The following LEPR variants were observed in gnomAD, a reference collection of about 807,000 sequenced individuals.
The protein encoded by LEPR is leptin receptor.
A neutral mutation model predicts 114.7 loss-of-function variants in LEPR; 56 were observed. That is an observed-to-expected ratio of 0.49 (90% confidence interval 0.39 to 0.61). The LOEUF (loss-of-function observed/expected upper bound fraction) is 0.61. LEPR is among the 20% of genes least tolerant of loss of function. LEPR has a pLI of 0.00. For synonymous variants in LEPR, 443 were observed against 461.4 expected (o/e 0.96, Z 0.51); for missense variants, 1,202 against 1,352.9 (o/e 0.89, Z 1.75).
intron 5 of LEPR, among the ~76,000 whole-genome samples, chr1:65,586,670 A>C (rs1655339698): frequency 6.6e-6 from 1 of 151,894 alleles, no homozygotes; most frequent in African/African-American, 2.4e-5. Flanking sequence ...CACAGGCTGT[A>C]CAAAAACAGG....
intron 2 of LEPR, among the ~76,000 whole-genome samples, chr1:65,444,382 AC>A (rs796971524): frequency 1.1e-4 from 17 of 151,926 alleles, no homozygotes; most frequent in African/African-American, 3.9e-4. Context: ...AGCCTTTAGG[AC>A]CCTATTTCTT....
chr1:65,476,600 A>G (rs1647162763), intron 2 of LEPR, among the ~76,000 whole-genome samples: 1 of 152,034 alleles, frequency 6.6e-6, no homozygotes, highest in Admixed American at 6.6e-5. Context: ...TTCTTTTTCA[A>G]GGTCCAGATC....
chr1:65,443,724 A>G (rs1342866074), intron 2 of LEPR, among the ~76,000 whole-genome samples: 1 of 152,138 alleles, frequency 6.6e-6, no homozygotes, highest in East Asian at 1.9e-4. Context: ...GGAAACCAAA[A>G]TATGTCACCT....
chr1:65,420,928 G>C (rs1646234036), intron 1 of LEPR, among the ~76,000 whole-genome samples, 188 bp downstream of exon 1: 1 of 152,166 alleles, frequency 6.6e-6, no homozygotes, highest in Non-Finnish European at 1.5e-5. Flanking sequence ...CGTTTCGGGG[G>C]AGCCTTGGCC....
At chr1:65,456,039 G>T (rs914762656) in intron 2 of LEPR, among the ~76,000 whole-genome samples, 1 of 152,104 alleles carries the variant, frequency 6.6e-6, no homozygotes, top group Admixed American at 6.5e-5. Context: ...GGAGTGACCC[G>T]ATTTTCCAGG....
At chr1:65,519,145 TTCC>T (rs1318275239) in intron 2 of LEPR, among the ~76,000 whole-genome samples, 78 of 145,230 alleles carry the variant, frequency 5.4e-4, no homozygotes, top group African/African-American at 1.9e-3. Context: ...CCTTCCTTCC[TTCC>T]TTCCTTTCCT....
Position 65,455,610 on chromosome 1 carries a change from G to A in LEPR, c.-21+30232G>A, listed in dbSNP as rs1213034371. On this transcript the variant is annotated intron_variant, in intron 2 of 19. Transcript: ENST00000349533. The stretch of plus-strand genomic sequence containing the variant: ...AGGCTGCTCGGGGGTCAGGGGTCAG[G>A]GACCCACTTGAGGAGGCAGTCTGTC... Among the ~76,000 whole-genome samples the A allele has an allele frequency of 2.2e-4, 33 of 152,316 alleles. No homozygotes were observed. The East Asian group carries it at 5.6e-3, about 26-fold the overall frequency.
rs532081564 is a variant in LEPR at position 65,577,283 on chromosome 1, T to C, written c.494+4834T>C. On this transcript the variant is annotated intron_variant, in intron 5 of 19. Transcript: ENST00000349533. ...TTGAATCAATCCCTCACACTTTATG[T>C]TTCTTATACCTTAATTTTTCCAAGG... The C allele has an allele frequency of 1.3e-5, 2 of 153,816 alleles. 1 individual carries two copies. The highest frequency in any genetic ancestry group is 4.9e-5 in the African/African-American group (2 of 41,012). The allele number at this position is 153,816 out of a possible 1,614,324, so 9.5% of individuals were successfully genotyped here. A position where few individuals can be genotyped will look rare whatever the true frequency, so the allele number is the denominator to read the frequency against.
intron 2 of LEPR, among the ~76,000 whole-genome samples, chr1:65,508,714 T>G (rs1305041857): frequency 6.6e-6 from 1 of 152,158 alleles, no homozygotes; most frequent in Non-Finnish European, 1.5e-5. Context: ...TTTAAAAAAT[T>G]TCTGTGAAGA....
At chr1:65,542,354 T>C (rs573995781) in intron 2 of LEPR, among the ~76,000 whole-genome samples, 3 of 152,274 alleles carry the variant, frequency 2.0e-5, no homozygotes, top group South Asian at 4.1e-4. Context: ...TATTATATAC[T>C]TTAATTGATT....
chr1:65,535,616 G>C (rs1003162970), intron 2 of LEPR, among the ~76,000 whole-genome samples: 1 of 152,028 alleles, frequency 6.6e-6, no homozygotes, highest in African/African-American at 2.4e-5. Flanking sequence ...CTCCCAAAGC[G>C]CAGGGATTAC....
rs973162686 is a variant in LEPR, at chr1:65,565,450, T to C, written c.-20-96T>C. ...TATCACATGTAAATTTAGAGACTTATCTATAATCCCTTTCCTTTTATGTTT... is the reference window on the plus strand; with the variant it reads ...TATCACATGTAAATTTAGAGACTTACCTATAATCCCTTTCCTTTTATGTTT... On this transcript the variant is annotated intron_variant, in intron 2 of 19. Transcript: ENST00000349533. The C allele has an allele frequency of 4.2e-6, 5 of 1,187,244 alleles. No individual in the cohort carries two copies. In the Admixed American group the frequency reaches 8.2e-5, roughly 20 times the overall value. 73.5% of individuals were successfully genotyped at this position (1,187,244 alleles called of 1,614,324 possible). A position where few individuals can be genotyped will look rare whatever the true frequency, so the allele number is the denominator to read the frequency against.
intron 2 of LEPR, among the ~76,000 whole-genome samples, chr1:65,535,034 C>G (rs1205516514): frequency 1.3e-5 from 2 of 152,108 alleles, no homozygotes; most frequent in African/African-American, 4.8e-5. Flanking sequence ...AATTAGATTT[C>G]TGTGCACACC....
intron 2 of LEPR, among the ~76,000 whole-genome samples, chr1:65,476,968 C>G (rs1203685822): frequency 6.6e-6 from 1 of 152,110 alleles, no homozygotes; most frequent in Non-Finnish European, 1.5e-5. Context: ...TCAAAATTTC[C>G]AACTAATTAA....
At chr1:65,564,884 T>A (rs1251270592) in intron 2 of LEPR, among the ~76,000 whole-genome samples, 2 of 152,186 alleles carry the variant, frequency 1.3e-5, no homozygotes, top group Non-Finnish European at 2.9e-5. Flanking sequence ...GTAGTACAAA[T>A]AATCATATTT....
At chr1:65,452,555 G>C (rs1044862189) in intron 2 of LEPR, among the ~76,000 whole-genome samples, 4 of 152,096 alleles carry the variant, frequency 2.6e-5, no homozygotes, top group Non-Finnish European at 5.9e-5. Flanking sequence ...ATTTGTCTTT[G>C]GTTCTATTTA....
At chr1:65,432,963 T>C (rs1450959050) in intron 2 of LEPR, 10 of 984,850 alleles carry the variant, frequency 1.0e-5, no homozygotes, top group Non-Finnish European at 1.2e-5. Flanking sequence ...CAAAACATAC[T>C]CTCTCCCCCA....
intron 2 of LEPR, among the ~76,000 whole-genome samples, chr1:65,503,219 A>T (rs1326281888): frequency 6.6e-6 from 1 of 152,180 alleles, no homozygotes; most frequent in Non-Finnish European, 1.5e-5. Context: ...ATTCTGCATG[A>T]TACCATAATG....
intron 2 of LEPR, among the ~76,000 whole-genome samples, chr1:65,484,511 T>C (rs1647382392): frequency 6.6e-6 from 1 of 152,180 alleles, no homozygotes; most frequent in African/African-American, 2.4e-5. Context: ...ATTTATTCTA[T>C]TGTGGACTGT....
Sources: allele counts gnomAD v4.1 joint callset (sites outside exome capture counted in the v4.1 genomes callset), GRCh38; gene constraint gnomAD v4.1.1; transcripts MANE v1.5; gene names NCBI Gene and HGNC (gene_info 2026-07-23, HGNC 2026-07-21).